Variants in NCAM1 observed in about 807,000 individuals in gnomAD.
NCAM1 encodes neural cell adhesion molecule 1, also known as antigen recognized by monoclonal antibody 5.1H11.
In NCAM1, 14 loss-of-function variants were observed where a neutral mutation model predicts 109.8. That is an observed-to-expected ratio of 0.13 (90% confidence interval 0.08 to 0.20). The LOEUF is 0.20. Ranked by LOEUF, NCAM1 falls within the 10% of genes least tolerant of loss-of-function variation. The probability of loss-of-function intolerance (pLI) is 1.00; values close to 1 mark genes in which losing one functional copy is unlikely to be tolerated. For missense variants in NCAM1, 774 were observed against 1,109.9 expected, an observed-to-expected ratio of 0.70 and a Z score of 4.30; for synonymous variants, 418 against 442.9, an observed-to-expected ratio of 0.94 and a Z score of 0.70.
intron 1 of NCAM1, among the ~76,000 whole-genome samples, chr11:113,035,353 A>G (rs757751731): frequency 1.2e-4 from 18 of 152,204 alleles, no homozygotes; most frequent in South Asian, 4.2e-4. Context: ...AGACAGCAGA[A>G]TCACTAACAA....
intron 1 of NCAM1, among the ~76,000 whole-genome samples, chr11:113,170,407 A>T (rs1397957318): frequency 7.9e-5 from 12 of 152,232 alleles, no homozygotes; most frequent in Admixed American, 7.8e-4. Context: ...TTTTCTGTAA[A>T]GGCAGTGTGC....
In NCAM1 at chr11:113,227,108, C is replaced by CA. The variant is rs545846680; in HGVS notation, c.1090-4531dup. On this transcript the variant is annotated intron_variant, in intron 9 of 19. Coordinates refer to ENST00000316851, the MANE Select transcript of NCAM1 (RefSeq NM_181351.5). Reference sequence around the variant, plus strand: ...AGCAGAACTGAAGGAGACAGAGACACAAAAAACCCTTCAAAAAATCAATGA... The same window carrying CA: ...AGCAGAACTGAAGGAGACAGAGACACAAAAAAACCCTTCAAAAAATCAATGA... 1.4e-3 allele frequency among the ~76,000 whole-genome samples: 217 copies of CA among 151,940 alleles called. 1 individual carries two copies. Among genetic ancestry groups the CA allele is most frequent in the African/African-American group, 4.9e-3 (203 of 41,454 alleles).
chr11:113,023,037 T>G (rs1171089712), intron 1 of NCAM1, among the ~76,000 whole-genome samples: 1 of 152,208 alleles, frequency 6.6e-6, no homozygotes, highest in Non-Finnish European at 1.5e-5. Flanking sequence ...AGTAGCAGTA[T>G]ACCTCACTTA....
chr11:112,994,535 T>A (rs543300122), intron 1 of NCAM1, among the ~76,000 whole-genome samples: 2 of 152,358 alleles, frequency 1.3e-5, no homozygotes, highest in East Asian at 3.9e-4. Flanking sequence ...ATACATCTTC[T>A]TGTATTAGCC....
chr11:113,216,706 AC>A (rs1944542531), intron 8 of NCAM1, among the ~76,000 whole-genome samples: 1 of 152,216 alleles, frequency 6.6e-6, no homozygotes, highest in Non-Finnish European at 1.5e-5. Flanking sequence ...CGGTATTAAA[AC>A]AAGTCCTCCA....
intron 1 of NCAM1, among the ~76,000 whole-genome samples, chr11:112,979,412 A>T (rs572866710): frequency 1.1e-3 from 174 of 151,950 alleles, no homozygotes; most frequent in African/African-American, 3.9e-3. Flanking sequence ...TTTGTGATTC[A>T]TAAATTGGGG....
intron 1 of NCAM1, among the ~76,000 whole-genome samples, chr11:112,980,328 T>A (rs1281201705): frequency 1.3e-5 from 2 of 151,788 alleles, no homozygotes; most frequent in Non-Finnish European, 2.9e-5. Flanking sequence ...AGCTCTGCCC[T>A]TCCAAGAGAA....
intron 1 of NCAM1, among the ~76,000 whole-genome samples, chr11:113,019,140 C>T (rs563270014): frequency 1.3e-5 from 2 of 152,148 alleles, no homozygotes; most frequent in South Asian, 2.1e-4. Context: ...AGCTGTGTGT[C>T]AGGACACCTC....
At chr11:113,167,574 G>GCATT (rs1942847292) in intron 1 of NCAM1, among the ~76,000 whole-genome samples, 1 of 148,002 alleles carries the variant, frequency 6.8e-6, no homozygotes, top group Non-Finnish European at 1.5e-5. Flanking sequence ...CTCTTACTTA[G>GCATT]CATTCAGCAG....
chr11:113,240,550 C>A, intron 14 of NCAM1: 1 of 539,716 alleles, frequency 1.9e-6, no homozygotes, highest in Non-Finnish European at 3.3e-6. Context: ...CTGGCCCAGA[C>A]TTTACCTGAA....
At chr11:113,199,467 T>C (rs1943965844) in intron 1 of NCAM1, among the ~76,000 whole-genome samples, 1 of 152,092 alleles carries the variant, frequency 6.6e-6, no homozygotes, top group Non-Finnish European at 1.5e-5. Flanking sequence ...CAAGCATTGA[T>C]TTCCAGAGAA....
chr11:113,183,775 C>T (rs535800276), intron 1 of NCAM1, among the ~76,000 whole-genome samples: 1 of 152,176 alleles, frequency 6.6e-6, no homozygotes, highest in South Asian at 2.1e-4. Flanking sequence ...CCTCCTCAAC[C>T]TTGGGACCAG....
chr11:112,966,473 T>C (rs1462081230), intron 1 of NCAM1, among the ~76,000 whole-genome samples: 25 of 152,206 alleles, frequency 1.6e-4, no homozygotes, highest in Admixed American at 1.6e-3. Flanking sequence ...TTCGAAAACA[T>C]TGTAGTGAAA....
intron 1 of NCAM1, among the ~76,000 whole-genome samples, chr11:113,095,892 T>G (rs566917183): frequency 6.6e-6 from 1 of 152,268 alleles, no homozygotes; most frequent in East Asian, 1.9e-4. Flanking sequence ...TTCTGTAGAA[T>G]GAATAATAAT....
intron 1 of NCAM1, among the ~76,000 whole-genome samples, chr11:113,018,383 C>T (rs951636539): frequency 1.3e-5 from 2 of 152,030 alleles, no homozygotes; most frequent in Non-Finnish European, 2.9e-5. Context: ...CCTGCGTCTC[C>T]AAGGGAACTT....
At position 113,208,057 on chromosome 11, in the gene NCAM1, A is replaced by T. The variant is rs947157674; in HGVS notation, c.916+55A>T. Reference sequence around the variant, plus strand: ...TCTGCCACAATTCCCCTTCCTCTGCACATTCAGTCCATCAGTAAGACCCTG... The same window carrying T: ...TCTGCCACAATTCCCCTTCCTCTGCTCATTCAGTCCATCAGTAAGACCCTG... On this transcript the variant is annotated intron_variant, in intron 7 of 19. Coordinates refer to ENST00000316851, the MANE Select transcript of NCAM1 (RefSeq NM_181351.5). 3.9e-6 allele frequency: 6 copies of T among 1,543,032 alleles called. No homozygotes were observed. In the Admixed American group the frequency reaches 5.7e-5, roughly 15 times the overall value.
At chr11:113,095,256 C>T (rs547786004) in intron 1 of NCAM1, among the ~76,000 whole-genome samples, 6 of 152,216 alleles carry the variant, frequency 3.9e-5, no homozygotes, top group South Asian at 2.1e-4. Context: ...AAACAAATGA[C>T]GACATTCTCA....
chr11:113,267,270 A>G lies in NCAM1; in HGVS notation c.2132-2918A>G, dbSNP rs143951700. ...TTTCTGTGAATCAGGATTGTCCTAG[A>G]TGCTGGGGAGATACAAGAGAGACAG... On this transcript the variant is annotated intron_variant, in intron 17 of 19. Transcript: ENST00000316851. Among the ~76,000 whole-genome samples the G allele has an allele frequency of 5.8e-3, 879 of 152,308 alleles. 10 individuals are homozygous for G. The highest frequency in any genetic ancestry group is 0.011 in the South Asian group (55 of 4,818).
chr11:112,964,984 T>G (rs1286101899), intron 1 of NCAM1, among the ~76,000 whole-genome samples: 12 of 152,176 alleles, frequency 7.9e-5, no homozygotes, highest in African/African-American at 2.9e-4. Context: ...AGTCTTTAAC[T>G]GTTTTCTTAA....
Sources: gnomAD v4.1 joint callset for allele counts (sites outside exome capture counted in the v4.1 genomes callset) on GRCh38, gnomAD v4.1.1 for gene constraint, MANE v1.5 for transcripts, NCBI Gene and HGNC (gene_info 2026-07-23, HGNC 2026-07-21) for gene names.